ADAM19: variants seen among roughly 807,000 people sequenced by gnomAD.
ADAM19 encodes disintegrin and metalloproteinase domain-containing protein 19.
Under a neutral mutation model 114.7 loss-of-function variants are expected in ADAM19, and 65 were observed. The ratio of observed to expected loss-of-function variants is 0.57; its 90% CI spans 0.46 to 0.70. The LOEUF (loss-of-function observed/expected upper bound fraction) is 0.70. Ranked by LOEUF, ADAM19 falls within the 30% of genes least tolerant of loss-of-function variation. The pLI is 0.00. For synonymous variants in ADAM19, 466 were observed against 460.5 expected (o/e 1.01, Z -0.15); for missense variants, 1,063 against 1,204.7 (o/e 0.88, Z 1.74).
chr5:157,510,649 T>C (rs1036961455), intron 8 of ADAM19, among the ~76,000 whole-genome samples: 5 of 152,218 alleles, frequency 3.3e-5, no homozygotes, highest in African/African-American at 1.2e-4. Flanking sequence ...TGTTTTACAA[T>C]ATGTGGTTTT....
rs948762631 is a variant in ADAM19 at position 157,477,435 on chromosome 5, A to G, written c.*3514T>C. ...AATTAATAGGTGGACAAGAGAGAAG[A>G]AGATCTGTTTTCCGTGAACAATCTC... On this transcript the variant is annotated 3_prime_UTR_variant, in exon 23 of 23. Transcript: ENST00000257527. 6 of 1,030,850 alleles carry G rather than the reference A, an allele frequency of 5.8e-6. No individual in the cohort carries two copies. The highest frequency in any genetic ancestry group is 7.0e-6 in the Non-Finnish European group (6 of 854,476). 63.9% of individuals were successfully genotyped at this position (1,030,850 alleles called of 1,614,324 possible). A position where few individuals can be genotyped will look rare whatever the true frequency, so the allele number is the denominator to read the frequency against.
intron 19 of ADAM19, among the ~76,000 whole-genome samples, chr5:157,490,067 A>G (rs2113695265): frequency 6.6e-6 from 1 of 152,306 alleles, no homozygotes; most frequent in Non-Finnish European, 1.5e-5. Flanking sequence ...TTTCAACTTG[A>G]TTTGGTTGGG....
Position 157,477,567 on chromosome 5 carries a change from G to C in ADAM19, c.*3382C>G. The stretch of plus-strand genomic sequence containing the variant: ...GGGTGACTTTGGAAATGTGGGCTTG[G>C]ATTCTACAGAACCTCTCCTTCGCAG... On this transcript the variant is annotated 3_prime_UTR_variant, in exon 23 of 23. Transcript: ENST00000257527. 1 of 1,208,616 alleles carries C rather than the reference G, an allele frequency of 8.3e-7. No individual in the cohort carries two copies. Among genetic ancestry groups the C allele is most frequent in the South Asian group, 1.5e-5 (1 of 68,368 alleles). 74.9% of individuals were successfully genotyped at this position (1,208,616 alleles called of 1,614,324 possible). A position where few individuals can be genotyped will look rare whatever the true frequency, so the allele number is the denominator to read the frequency against.
chr5:157,569,083 T>C (rs1228077711), intron 2 of ADAM19: 2 of 152,164 alleles, frequency 1.3e-5, no homozygotes. Flanking sequence ...AAGATCTTAA[T>C]TGTTAAAAGT....
intron 3 of ADAM19, among the ~76,000 whole-genome samples, chr5:157,543,272 G>A (rs1408033116): frequency 6.6e-6 from 1 of 152,150 alleles, no homozygotes; most frequent in Non-Finnish European, 1.5e-5. Context: ...TTGTTTTCAC[G>A]TGAGCCACAT....
chr5:157,489,269 C>T (rs532779242), intron 19 of ADAM19, 83 bp from the exon 20 acceptor site: 21 of 996,784 alleles, frequency 2.1e-5, no homozygotes, highest in South Asian at 6.7e-5. Flanking sequence ...GACCCAAGCA[C>T]GGCCAGCAAG....
Position 157,505,803 on chromosome 5 carries a change from G to T in ADAM19, c.996C>A (p.His332Gln). The T allele has an allele frequency of 6.2e-7, 1 of 1,614,116 alleles. No individual in the cohort carries two copies. The highest frequency in any genetic ancestry group is 8.5e-7 in the Non-Finnish European group (1 of 1,179,986). ...CAGCCACGCCAATGGCATTCTCGGAGTGGTCCTGCTCAGAAGACAGAGTTG... is the reference window on the plus strand; with the variant it reads ...CAGCCACGCCAATGGCATTCTCGGATTGGTCCTGCTCAGAAGACAGAGTTG... ...VYQSGGVNMDHSENAIGVAAT... is the reference protein window; with the variant it reads ...VYQSGGVNMDQSENAIGVAAT... Residue 332 changes from histidine (H) to glutamine (Q), a missense_variant, in exon 11 of 23, where the codon CAC becomes CAA. Transcript: ENST00000257527.
At chr5:157,519,292 T>C (rs769596027) in intron 6 of ADAM19, among the ~76,000 whole-genome samples, 17 of 152,314 alleles carry the variant, frequency 1.1e-4, no homozygotes, top group African/African-American at 2.2e-4. Flanking sequence ...TCTACTCCAA[T>C]AGGGAAAGCA....
At chr5:157,556,209 C>CTTTTTTTTTTTTTTTTTTTT (rs68078503) in intron 3 of ADAM19, among the ~76,000 whole-genome samples, 5 of 66,330 alleles carry the variant, frequency 7.5e-5, no homozygotes, top group Admixed American at 2.4e-4. Context: ...TTTTCTTTTT[C>CTTTTTTTTTTTTTTTTTTTT]TTTTTTTTTT....
Position 157,479,031 on chromosome 5 carries a change from A to T in ADAM19, c.*1918T>A, listed in dbSNP as rs1754673400. ...GATGTTTTCACCTTTACTTTCCAGG[A>T]ACCAAGCCTTGAGGCAGAGGGTAGC... On this transcript the variant is annotated 3_prime_UTR_variant, in exon 23 of 23. Coordinates refer to ENST00000257527, the MANE Select transcript of ADAM19 (RefSeq NM_033274.5). 3.0e-6 allele frequency: 3 copies of T among 985,780 alleles called. No individual in the cohort carries two copies. Among genetic ancestry groups the T allele is most frequent in the South Asian group, 4.7e-5 (1 of 21,288 alleles). The allele number at this position is 985,780 out of a possible 1,614,324, so 61.1% of individuals were successfully genotyped here.
chr5:157,575,672 G>T lies in ADAM19; in HGVS notation c.25C>A (p.Arg9=). 7.4e-7 allele frequency: 1 copy of T among 1,358,986 alleles called. No individual in the cohort carries two copies. The highest frequency in any genetic ancestry group is 1.8e-5 in the South Asian group (1 of 56,448). The allele number at this position is 1,358,986 out of a possible 1,614,324, so 84.2% of individuals were successfully genotyped here. A position where few individuals can be genotyped will look rare whatever the true frequency, so the allele number is the denominator to read the frequency against. MPGGAGAA[R]LCLLAFALQP... ...AGGGCAAACGCCAGCAAGCAGAGCC[G>T]GGCGGCGCCTGCGCCCCCTGGCATG... is the stretch of plus-strand genomic sequence containing the variant. The change falls in exon 1 of 23, where the codon CGG becomes AGG. Residue 9 remains arginine, a synonymous_variant. Transcript: ENST00000257527.
chr5:157,568,647 C>T (rs570738608), intron 2 of ADAM19: 17 of 151,680 alleles, frequency 1.1e-4, no homozygotes, highest in African/African-American at 4.1e-4. Flanking sequence ...TTGCATTCCC[C>T]CTAAGATCTA....
At position 157,499,732 on chromosome 5, in the gene ADAM19, G is replaced by T. The variant is rs537506604; in HGVS notation, c.1309-70C>A. 85 of 1,052,152 alleles carry T rather than the reference G, an allele frequency of 8.1e-5. No individual in the cohort carries two copies. The African/African-American group carries it at 1.1e-3, about 14-fold the overall frequency. 65.2% of individuals were successfully genotyped at this position (1,052,152 alleles called of 1,614,324 possible). Reference sequence around the variant, plus strand: ...CACCCCCAACATTTTCCCCACCCTTGCCCACACACCCCTGGAACCCCAGCT... The same window carrying T: ...CACCCCCAACATTTTCCCCACCCTTTCCCACACACCCCTGGAACCCCAGCT... On this transcript the variant is annotated intron_variant, in intron 12 of 22. Transcript: ENST00000257527.
intron 3 of ADAM19, among the ~76,000 whole-genome samples, chr5:157,557,942 G>A (rs1201685163): frequency 6.6e-6 from 1 of 152,166 alleles, no homozygotes; most frequent in Non-Finnish European, 1.5e-5. Context: ...GCTTATGCTG[G>A]GGTGGGGTTG....
intron 3 of ADAM19, among the ~76,000 whole-genome samples, chr5:157,555,076 G>A (rs917122685): frequency 3.9e-5 from 6 of 152,202 alleles, no homozygotes; most frequent in Non-Finnish European, 8.8e-5. Flanking sequence ...GCATCTGAGA[G>A]GCAATATACT....
chr5:157,480,020 C>G lies in ADAM19; in HGVS notation c.*929G>C, dbSNP rs766452210. On this transcript the variant is annotated 3_prime_UTR_variant, in exon 23 of 23. Coordinates refer to ENST00000257527, the MANE Select transcript of ADAM19 (RefSeq NM_033274.5). ...ACTCCTGAGAGCCAGTGAGGGAAAT[C>G]CAGTGGCCGACTGTGAGAGAGGACT... The G allele has an allele frequency of 9.1e-6, 9 of 985,904 alleles. No individual in the cohort carries two copies. Among genetic ancestry groups the G allele is most frequent in the Non-Finnish European group, 1.1e-5 (9 of 830,006 alleles). 61.1% of individuals were successfully genotyped at this position (985,904 alleles called of 1,614,324 possible). A position where few individuals can be genotyped will look rare whatever the true frequency, so the allele number is the denominator to read the frequency against.
chr5:157,481,521 G>A (rs993682689), intron 22 of ADAM19: 2 of 1,214,866 alleles, frequency 1.6e-6, no homozygotes, highest in African/African-American at 1.5e-5. Context: ...ACTCAAGAGG[G>A]ACTTGCTCAG....
intron 18 of ADAM19, 31 bp downstream of exon 18, chr5:157,491,583 GC>G: frequency 8.5e-6 from 12 of 1,417,182 alleles, no homozygotes; most frequent in Non-Finnish European, 1.0e-5. Context: ...TCTCACAAAA[GC>G]GGGCAGTGGC....
At chr5:157,541,601 A>G (rs1756919907) in intron 3 of ADAM19, among the ~76,000 whole-genome samples, 1 of 152,182 alleles carries the variant, frequency 6.6e-6, no homozygotes, top group East Asian at 1.9e-4. Flanking sequence ...AATACCGGAC[A>G]TAAAACATTA....
Sources: allele counts gnomAD v4.1 joint callset (sites outside exome capture counted in the v4.1 genomes callset), GRCh38; gene constraint gnomAD v4.1.1; transcripts MANE v1.5; gene names NCBI Gene and HGNC (gene_info 2026-07-23, HGNC 2026-07-21).